Variants in LRP1B observed in about 807,000 individuals in gnomAD.
LRP1B encodes LDL receptor related protein 1B, also known as low-density lipoprotein receptor-related protein 1B.
A neutral mutation model predicts 556.6 loss-of-function variants in LRP1B; 217 were observed. The observed-to-expected ratio is 0.39, with a 90% confidence interval of 0.35 to 0.44. The LOEUF is 0.44. LRP1B is among the 20% of genes least tolerant of loss of function. LRP1B has a pLI of 1.00. For missense variants in LRP1B, 5,053 were observed against 5,620.8 expected (o/e 0.90, Z 3.23); for synonymous variants, 2,047 against 1,865.8 (o/e 1.10, Z -2.50).
chr2:141,515,242 C>T (rs943594722), intron 2 of LRP1B, among the ~76,000 whole-genome samples: 9 of 150,348 alleles, frequency 6.0e-5, no homozygotes, highest in Non-Finnish European at 1.3e-4. Flanking sequence ...GTGGAGGTTG[C>T]GGTGAGCCGA....
intron 1 of LRP1B, among the ~76,000 whole-genome samples, chr2:141,979,315 C>G (rs1171820060): frequency 4.6e-5 from 7 of 151,992 alleles, no homozygotes; most frequent in African/African-American, 1.7e-4. Context: ...TCAAACTTTC[C>G]TAACAGGCAG....
At chr2:141,998,621 A>G (rs961815081) in intron 1 of LRP1B, among the ~76,000 whole-genome samples, 1 of 152,210 alleles carries the variant, frequency 6.6e-6, no homozygotes, top group African/African-American at 2.4e-5. Flanking sequence ...GGAGGTCCTG[A>G]CAACATGTGT....
intron 11 of LRP1B, among the ~76,000 whole-genome samples, chr2:141,027,695 G>A (rs993244853): frequency 2.6e-5 from 4 of 152,090 alleles, no homozygotes; most frequent in Non-Finnish European, 5.9e-5. Flanking sequence ...GTGTGAGGGC[G>A]CAATGGACTA....
intron 7 of LRP1B, among the ~76,000 whole-genome samples, chr2:141,122,905 G>T (rs1332497300): frequency 2.0e-5 from 3 of 152,124 alleles, no homozygotes; most frequent in Admixed American, 6.5e-5. Context: ...ATACACCATG[G>T]AATACTATGC....
At chr2:141,018,976 G>A (rs761290451) in intron 12 of LRP1B, among the ~76,000 whole-genome samples, 2 of 151,944 alleles carry the variant, frequency 1.3e-5, no homozygotes, top group Non-Finnish European at 2.9e-5. Flanking sequence ...TTGTATGTGT[G>A]CAGTAAAGTG....
intron 53 of LRP1B, among the ~76,000 whole-genome samples, chr2:140,504,676 A>G (rs546623035): frequency 8.5e-5 from 13 of 152,286 alleles, no homozygotes; most frequent in African/African-American, 3.1e-4. Flanking sequence ...GTATCCCAAC[A>G]TTCATTAACA....
intron 43 of LRP1B, among the ~76,000 whole-genome samples, chr2:140,597,507 C>T (rs1175891735): frequency 6.6e-6 from 1 of 152,112 alleles, no homozygotes; most frequent in Non-Finnish European, 1.5e-5. Flanking sequence ...TTTAGAATTT[C>T]TATGCTGCAT....
intron 66 of LRP1B, among the ~76,000 whole-genome samples, chr2:140,393,301 G>A (rs955875125): frequency 6.6e-6 from 1 of 152,002 alleles, no homozygotes; most frequent in South Asian, 2.1e-4. Context: ...TAATGAACCA[G>A]TAGCTACCTA....
chr2:142,088,239 C>T (rs1024495221), intron 1 of LRP1B, among the ~76,000 whole-genome samples: 2 of 152,016 alleles, frequency 1.3e-5, no homozygotes, highest in Non-Finnish European at 1.5e-5. Flanking sequence ...AGGATAGGGT[C>T]CCTCCATTAA....
At chr2:140,253,605 CTAAA>C (rs35105675) in intron 86 of LRP1B, among the ~76,000 whole-genome samples, 83,337 of 151,378 alleles carry the variant, frequency 0.55, 25,119 homozygotes, top group East Asian at 0.68. Flanking sequence ...TAAACGATGA[CTAAA>C]TATATATTTA....
intron 32 of LRP1B, among the ~76,000 whole-genome samples, chr2:140,808,268 C>A (rs1246214787): frequency 9.2e-5 from 14 of 152,116 alleles, no homozygotes; most frequent in African/African-American, 3.4e-4. Flanking sequence ...TGAGCCATGA[C>A]AATGTTAGAG....
intron 2 of LRP1B, among the ~76,000 whole-genome samples, chr2:141,492,079 G>GAAAAAAAAAAAAA (rs1553521014): frequency 9.9e-4 from 8 of 8,050 alleles, no homozygotes; most frequent in African/African-American, 2.2e-3. Context: ...TTAGCTTTCT[G>GAAAAAAAAAAAAA]AAAAAAAAAA....
chr2:140,652,909 T>G (rs1574196202), intron 41 of LRP1B, among the ~76,000 whole-genome samples: 1 of 152,168 alleles, frequency 6.6e-6, no homozygotes, highest in East Asian at 1.9e-4. Context: ...TTGATGTAAG[T>G]GTCAAAAGCT....
intron 1 of LRP1B, among the ~76,000 whole-genome samples, chr2:142,062,125 C>T (rs1704942786): frequency 6.6e-6 from 1 of 151,920 alleles, no homozygotes; most frequent in African/African-American, 2.4e-5. Flanking sequence ...CCAGCTATGA[C>T]CTTGGGCACA....
intron 66 of LRP1B, among the ~76,000 whole-genome samples, chr2:140,403,418 C>T (rs1471158887): frequency 2.0e-5 from 3 of 151,992 alleles, no homozygotes; most frequent in Non-Finnish European, 2.9e-5. Context: ...AGATAGATGT[C>T]ATGAATAATA....
chr2:142,076,947 A>T (rs1334680746), intron 1 of LRP1B, among the ~76,000 whole-genome samples: 1 of 152,112 alleles, frequency 6.6e-6, no homozygotes, highest in Non-Finnish European at 1.5e-5. Flanking sequence ...GAACAGAAAC[A>T]CATAAGAAGA....
At chr2:140,738,980 G>T (rs1688043536) in intron 35 of LRP1B, among the ~76,000 whole-genome samples, 1 of 152,296 alleles carries the variant, frequency 6.6e-6, no homozygotes, top group Non-Finnish European at 1.5e-5. Context: ...CTCTGATGTT[G>T]CATCACATCA....
rs191137567 is a variant in LRP1B, at chr2:142,010,432, T to C, written c.82+120216A>G. 8.5e-3 allele frequency among the ~76,000 whole-genome samples: 1,281 copies of C among 151,334 alleles called. 6 individuals are homozygous for C. The highest frequency in any genetic ancestry group is 0.017 in the Middle Eastern group (5 of 292). ...AGCCGGGCGTGGTGGCGGGTGCCTG[T>C]AGTCTCAGCTACTCGGAGAGGCTGA... On this transcript the variant is annotated intron_variant, in intron 1 of 90. Transcript: ENST00000389484.
At position 140,713,325 on chromosome 2, in the gene LRP1B, A is replaced by ATT. The variant is rs35704146; in HGVS notation, c.6023+2646_6023+2647dup. On this transcript the variant is annotated intron_variant, in intron 37 of 90. Coordinates refer to ENST00000389484, the MANE Select transcript of LRP1B (RefSeq NM_018557.3). ...GGATTTGCAGTGAAAAAGGTATAGA[A>ATT]TTTTTTTTTTTTTCATTTACTGCTA... 3.6e-3 allele frequency among the ~76,000 whole-genome samples: 538 copies of ATT among 147,548 alleles called. 4 individuals carry two copies. Among genetic ancestry groups the ATT allele is most frequent in the Middle Eastern group, 6.8e-3 (2 of 292 alleles).
Sources: allele counts gnomAD v4.1 joint callset (sites outside exome capture counted in the v4.1 genomes callset), GRCh38; gene constraint gnomAD v4.1.1; transcripts MANE v1.5; gene names NCBI Gene and HGNC (gene_info 2026-07-23, HGNC 2026-07-21).